Variants in FMN1 observed in about 807,000 individuals in gnomAD.
FMN1 encodes the protein formin-1.
FMN1 carries 110 observed loss-of-function variants against 132.4 expected under a neutral mutation model. The observed-to-expected ratio is 0.83, with a 90% CI of 0.71 to 0.97. The LOEUF (loss-of-function observed/expected upper bound fraction) is 0.97. FMN1 is among the 50% of genes least tolerant of loss of function. The pLI is 0.00. For synonymous variants in FMN1, 722 were observed against 651.7 expected, an observed-to-expected ratio of 1.11 and a Z score of -1.64; for missense variants, 1,792 against 1,705.3, an observed-to-expected ratio of 1.05 and a Z score of -0.90.
chr15:33,137,024 G>C (rs1199451256), intron 4 of FMN1, among the ~76,000 whole-genome samples: 2 of 146,278 alleles, frequency 1.4e-5, no homozygotes, highest in Non-Finnish European at 1.5e-5. Flanking sequence ...GGAGGCAGAG[G>C]TTGCAGTGAG....
chr15:32,798,131 GCTT>G (rs996864407), intron 19 of FMN1, among the ~76,000 whole-genome samples: 2 of 150,488 alleles, frequency 1.3e-5, no homozygotes, highest in African/African-American at 4.9e-5. Context: ...AGGCAGAAAT[GCTT>G]TTTTCTGATA....
intron 16 of FMN1, among the ~76,000 whole-genome samples, chr15:32,870,569 C>A (rs1336041888): frequency 6.6e-6 from 1 of 152,200 alleles, no homozygotes; most frequent in Admixed American, 6.5e-5. Flanking sequence ...AGCCTTTGCA[C>A]GGAATTGTCT....
rs80118548 is a variant in FMN1 at position 33,096,688 on chromosome 15, C to T, written c.1868-7714G>A. On this transcript the variant is annotated intron_variant, in intron 4 of 20. Transcript: ENST00000616417. Reference sequence around the variant, plus strand: ...GATCCTGGATCACTGCAGCCTTGACCTCCCGGGCTCAGGTGACAAGTGATC... The same window carrying T: ...GATCCTGGATCACTGCAGCCTTGACTTCCCGGGCTCAGGTGACAAGTGATC... Among the ~76,000 whole-genome samples, 1,490 of 152,012 alleles carry T rather than the reference C, an allele frequency of 9.8e-3. 29 individuals are homozygous for T. Among genetic ancestry groups the T allele is most frequent in the African/African-American group, 0.034 (1,411 of 41,438 alleles).
intron 17 of FMN1, 149 bp downstream of exon 17, chr15:32,856,866 T>C (rs944097119): frequency 1.3e-5 from 8 of 624,228 alleles, no homozygotes; most frequent in African/African-American, 3.7e-5. Context: ...ACCGTGAGTA[T>C]GTAACCACCA....
chr15:32,846,600 A>C (rs1228104119), intron 17 of FMN1, among the ~76,000 whole-genome samples: 1 of 152,230 alleles, frequency 6.6e-6, no homozygotes, highest in Admixed American at 6.5e-5. Context: ...GAATGCTTTT[A>C]CACTGTTGGT....
chr15:33,035,882 T>C (rs1257336594), intron 6 of FMN1, among the ~76,000 whole-genome samples: 4 of 152,212 alleles, frequency 2.6e-5, no homozygotes, highest in Non-Finnish European at 4.4e-5. Context: ...AATAGATTAA[T>C]TTATTCACGG....
intron 17 of FMN1, 61 bp downstream of exon 17, chr15:32,856,954 G>T (rs867380759): frequency 7.2e-6 from 9 of 1,247,848 alleles, no homozygotes; most frequent in Middle Eastern, 1.9e-4. Flanking sequence ...CTCAGAGAAA[G>T]ATTCATGGAA....
chr15:32,806,183 G>T (rs993128702), intron 17 of FMN1, among the ~76,000 whole-genome samples: 4 of 152,132 alleles, frequency 2.6e-5, no homozygotes, highest in African/African-American at 7.2e-5. Flanking sequence ...GATGTAAAAT[G>T]AACGAAAATA....
At chr15:32,801,501 T>C (rs1033867825) in intron 18 of FMN1, among the ~76,000 whole-genome samples, 4 of 152,074 alleles carry the variant, frequency 2.6e-5, no homozygotes, top group Non-Finnish European at 5.9e-5. Flanking sequence ...GCACAGTGGC[T>C]CACGCCTGTA....
chr15:32,903,725 A>G (rs1434755192), intron 12 of FMN1, among the ~76,000 whole-genome samples: 1 of 152,214 alleles, frequency 6.6e-6, no homozygotes, highest in Non-Finnish European at 1.5e-5. Context: ...ACTAATCTCA[A>G]AAGAGGAAGC....
chr15:33,080,744 G>A (rs189601649), intron 5 of FMN1, among the ~76,000 whole-genome samples: 371 of 152,248 alleles, frequency 2.4e-3, no homozygotes, highest in African/African-American at 8.5e-3. Context: ...AAAATTAGCC[G>A]GGCATGGTGG....
chr15:32,875,566 C>G (rs935163258), intron 16 of FMN1, among the ~76,000 whole-genome samples: 2 of 152,156 alleles, frequency 1.3e-5, no homozygotes, highest in African/African-American at 4.8e-5. Flanking sequence ...GGTAGAGTCA[C>G]AGTTCATGGC....
At position 33,154,616 on chromosome 15, in the gene FMN1, T is replaced by A; in HGVS notation, c.299A>T (p.Asn100Ile). Reference sequence around the variant, plus strand: ...CAGGATGTGGTCTGAGCTCAGGAGATTGGTTAGCAGTCTCTCCCTCTCTGT... The same window carrying A: ...CAGGATGTGGTCTGAGCTCAGGAGAATGGTTAGCAGTCTCTCCCTCTCTGT... ...LTTERERLLT[N>I]LLSSDHILGI... Residue 100 changes from asparagine to isoleucine, a missense_variant, in exon 4 of 21, where the codon AAT (asparagine) becomes ATT (isoleucine). Around this residue, in one of 3 missense-constraint regions of FMN1, gnomAD observed 638 missense variants for 645.2 expected, o/e 0.99. Transcript: ENST00000616417. The A allele has an allele frequency of 6.5e-7, 1 of 1,535,972 alleles. No individual in the cohort carries two copies. Among genetic ancestry groups the A allele is most frequent in the Non-Finnish European group, 8.7e-7 (1 of 1,146,900 alleles).
intron 9 of FMN1, among the ~76,000 whole-genome samples, chr15:32,957,743 A>G (rs1176539153): frequency 6.6e-6 from 1 of 152,244 alleles, no homozygotes; most frequent in Non-Finnish European, 1.5e-5. Flanking sequence ...TTATAATTTC[A>G]TATTATACTT....
chr15:32,908,603 C>CAAAAAAAAAAAA (rs71424680), intron 11 of FMN1, 25 bp from the exon 12 acceptor site: 2 of 602,034 alleles, frequency 3.3e-6, no homozygotes, highest in Non-Finnish European at 5.1e-6. Flanking sequence ...AAAACAAAAC[C>CAAAAAAAAAAAA]AAAAAAAAAA....
chr15:32,995,450 G>T (rs915004753), intron 7 of FMN1, among the ~76,000 whole-genome samples: 11 of 152,108 alleles, frequency 7.2e-5, no homozygotes, highest in Non-Finnish European at 1.5e-4. Flanking sequence ...AGCCTTTATG[G>T]TATAAATTCT....
intron 17 of FMN1, among the ~76,000 whole-genome samples, chr15:32,822,939 C>T (rs570767329): frequency 1.3e-5 from 2 of 152,128 alleles, no homozygotes; most frequent in African/African-American, 2.4e-5. Context: ...ATTCTGGACA[C>T]GGAACCAATC....
At chr15:33,029,263 GA>G (rs71424685) in intron 6 of FMN1, among the ~76,000 whole-genome samples, 14 of 149,510 alleles carry the variant, frequency 9.4e-5, no homozygotes, top group South Asian at 2.1e-4. Context: ...AACACACAAG[GA>G]AAAAAAAAAT....
rs1361865938 is a variant in FMN1 at position 32,815,764 on chromosome 15, T to TTGG, written c.3929-11435_3929-11433dup. Among the ~76,000 whole-genome samples, 30 of 152,176 alleles carry TTGG rather than the reference T, an allele frequency of 2.0e-4. 1 individual carries two copies. Among genetic ancestry groups the TTGG allele is most frequent in the South Asian group, 1.5e-3 (7 of 4,822 alleles). On this transcript the variant is annotated intron_variant, in intron 17 of 20. Coordinates refer to ENST00000616417, the MANE Select transcript of FMN1 (RefSeq NM_001277313.2). ...AATACAATGGCCTAGCACAGTCAGA[T>TTGG]TGGTGGTGGTGGTGGTAATGATGGT...
Sources: gnomAD v4.1 joint callset for allele counts (sites outside exome capture counted in the v4.1 genomes callset) on GRCh38, gnomAD v4.1.1 for gene constraint, gnomAD v4.1.1 regional missense constraint, MANE v1.5 for transcripts, NCBI Gene and HGNC (gene_info 2026-07-23, HGNC 2026-07-21) for gene names.